Variants in C3orf49 observed in about 807,000 individuals in gnomAD.
The protein encoded by C3orf49 is chromosome 3 open reading frame 49.
A neutral mutation model predicts 13.3 loss-of-function variants in C3orf49; 27 were observed. The observed-to-expected ratio is 2.02, with a 90% CI of 1.49 to 2.79. The LOEUF (loss-of-function observed/expected upper bound fraction) is 2.79. Among genes scored for constraint, C3orf49 ranks in the 30% most tolerant of loss-of-function variants. The pLI, the probability that C3orf49 is intolerant of heterozygous loss-of-function variation, is 0.00. For missense variants in C3orf49, 242 were observed against 134.2 expected, an observed-to-expected ratio of 1.80 and a Z score of -3.97; for synonymous variants, 87 against 47.6, an observed-to-expected ratio of 1.83 and a Z score of -3.40.
chr3:63,834,845 C>A (rs1287480631), intron 5 of C3orf49, among the ~76,000 whole-genome samples: 1 of 152,060 alleles, frequency 6.6e-6, no homozygotes, highest in Non-Finnish European at 1.5e-5. Flanking sequence ...TTATTGCCTG[C>A]CTGGGTCCTG....
intron 5 of C3orf49, chr3:63,835,101 G>C: frequency 1.3e-6 from 2 of 1,552,016 alleles, no homozygotes; most frequent in Non-Finnish European, 1.8e-6. Context: ...GTACATCCCT[G>C]GGTCATTTAA....
chr3:63,818,798 G>A (rs1701354233), upstream of C3orf49, among the ~76,000 whole-genome samples: 1 of 152,164 alleles, frequency 6.6e-6, no homozygotes, highest in Admixed American at 6.5e-5. Context: ...GGGCAATGTT[G>A]GAAGGGAGGG....
the C3orf49 span, among the ~76,000 whole-genome samples, chr3:63,785,141 C>T: frequency 2.3e-5 from 3 of 130,492 alleles, no homozygotes; most frequent in Admixed American, 9.5e-5. Flanking sequence ...GGCGTGATCT[C>T]GGCTCACTGC....
upstream of C3orf49, among the ~76,000 whole-genome samples, chr3:63,816,621 A>C (rs1171289758): frequency 6.6e-6 from 1 of 151,554 alleles, no homozygotes; most frequent in Non-Finnish European, 1.5e-5. Flanking sequence ...AAAAACCTCA[A>C]CAACTCCCCA....
chr3:63,835,424 A>C, intron 5 of C3orf49: 1 of 1,598,334 alleles, frequency 6.3e-7, no homozygotes, highest in Non-Finnish European at 8.6e-7. Context: ...CATTTTGCTG[A>C]ATGGGGGAGA....
At chr3:63,824,353 A>C (rs1273901807) in intron 2 of C3orf49, among the ~76,000 whole-genome samples, 1 of 152,202 alleles carries the variant, frequency 6.6e-6, no homozygotes, top group Non-Finnish European at 1.5e-5. Context: ...AATAAAATGT[A>C]TAACTGGTAA....
upstream of C3orf49, among the ~76,000 whole-genome samples, chr3:63,815,926 C>G (rs1701319400): frequency 6.6e-6 from 1 of 151,436 alleles, no homozygotes; most frequent in Non-Finnish European, 1.5e-5. Context: ...AGCTGGGATA[C>G]AGGCGTGTGC....
chr3:63,843,576 A>G (rs1484382767), intron 5 of C3orf49, among the ~76,000 whole-genome samples: 1 of 151,638 alleles, frequency 6.6e-6, no homozygotes, highest in Non-Finnish European at 1.5e-5. Context: ...TATGGAATCA[A>G]TTTGGGTGTT....
At chr3:63,827,795 C>G (rs1701484267) in intron 3 of C3orf49, 70 bp downstream of exon 3, 21 of 671,552 alleles carry the variant, frequency 3.1e-5, no homozygotes, top group South Asian at 2.9e-4. Context: ...TTGCAAAAAC[C>G]AAGTTCTGTC....
chr3:63,848,384 C>T lies in C3orf49; in HGVS notation c.*51C>T, dbSNP rs537013722. The T allele has an allele frequency of 6.6e-6, 1 of 152,278 alleles. No homozygotes were observed. The highest frequency in any genetic ancestry group is 2.1e-4 in the South Asian group (1 of 4,814). The allele number at this position is 152,278 out of a possible 1,614,324, so 9.4% of individuals were successfully genotyped here. On this transcript the variant is annotated 3_prime_UTR_variant, in exon 7 of 7. Coordinates refer to ENST00000295896, the MANE Select transcript of C3orf49 (RefSeq NM_001355236.2). Reference sequence around the variant, plus strand: ...TCCAGGTCTTCAGACAATAACTTAACCAATTACCAATCAGAAAATCGACTC... The same window carrying T: ...TCCAGGTCTTCAGACAATAACTTAATCAATTACCAATCAGAAAATCGACTC...
chr3:63,840,459 A>T (rs567415930), intron 5 of C3orf49, among the ~76,000 whole-genome samples: 2 of 152,206 alleles, frequency 1.3e-5, no homozygotes, highest in African/African-American at 4.8e-5. Context: ...GTGTGGTGGC[A>T]TGTGCCTGTT....
the C3orf49 span, among the ~76,000 whole-genome samples, chr3:63,792,698 T>A: frequency 1.3e-5 from 2 of 152,084 alleles, no homozygotes; most frequent in African/African-American, 2.4e-5. Context: ...ATAATACAAT[T>A]TTATAGGAGC....
At chr3:63,845,106 G>A (rs1701860214) in intron 6 of C3orf49, 24 bp downstream of exon 6, 3 of 689,326 alleles carry the variant, frequency 4.4e-6, no homozygotes, top group East Asian at 5.4e-5. Context: ...TCTTTTCTGG[G>A]GGTGGGGGGT....
At chr3:63,817,169 G>A (rs778732392), upstream of C3orf49, among the ~76,000 whole-genome samples, 6 of 151,992 alleles carry the variant, frequency 3.9e-5, no homozygotes, top group Admixed American at 1.3e-4. Flanking sequence ...ATTTTCACAC[G>A]ATTGGCTCTT....
chr3:63,809,778 C>G, the C3orf49 span, among the ~76,000 whole-genome samples: 4 of 152,158 alleles, frequency 2.6e-5, no homozygotes, highest in African/African-American at 9.7e-5. Context: ...CTGGATCTCT[C>G]CATGACTCAT....
At chr3:63,834,126 G>T in intron 5 of C3orf49, 1 of 1,613,818 alleles carries the variant, frequency 6.2e-7, no homozygotes, top group Non-Finnish European at 8.5e-7. Context: ...TGGGCAATTA[G>T]CCTGTCTATG....
chr3:63,836,286 A>G, intron 5 of C3orf49: 2 of 1,608,510 alleles, frequency 1.2e-6, no homozygotes, highest in Non-Finnish European at 1.7e-6. Flanking sequence ...TTTCAAAGTA[A>G]AGCTCTACAC....
chr3:63,780,543 G>T, the C3orf49 span, among the ~76,000 whole-genome samples: 1 of 152,140 alleles, frequency 6.6e-6, no homozygotes, highest in Non-Finnish European at 1.5e-5. Flanking sequence ...TCTAGTTCTA[G>T]ATCCCTGAGG....
the C3orf49 span, among the ~76,000 whole-genome samples, chr3:63,809,771 G>A: frequency 7.9e-5 from 12 of 152,204 alleles, no homozygotes; most frequent in Admixed American, 3.3e-4. Flanking sequence ...ATCTTCCCTG[G>A]ATCTCTCCAT....
Sources: allele counts gnomAD v4.1 joint callset (sites outside exome capture counted in the v4.1 genomes callset), GRCh38; gene constraint gnomAD v4.1.1; transcripts MANE v1.5; gene names NCBI Gene and HGNC (gene_info 2026-07-23, HGNC 2026-07-21).